GPR158: variants seen among roughly 807,000 people sequenced by gnomAD.
GPR158 encodes the protein metabotropic glycine receptor.
GPR158 carries 30 observed loss-of-function variants against 78.2 expected under a neutral mutation model. That is an observed-to-expected ratio of 0.38 (90% CI 0.29 to 0.52). The LOEUF (loss-of-function observed/expected upper bound fraction) is 0.52, where lower values mean the gene tolerates loss of function less well. Among genes scored for constraint, GPR158 ranks in the 20% least tolerant of loss-of-function variants. The pLI, the probability that GPR158 is intolerant of heterozygous loss-of-function variation, is 0.83. For missense variants in GPR158, 1,463 were observed against 1,523.5 expected, an observed-to-expected ratio of 0.96 and a Z score of 0.66; for synonymous variants, 581 against 591.1, an observed-to-expected ratio of 0.98 and a Z score of 0.25.
At chr10:25,433,547 T>TGTTGTGTGTGTGTTG (rs67750453) in intron 4 of GPR158, among the ~76,000 whole-genome samples, 16 of 96,460 alleles carry the variant, frequency 1.7e-4, no homozygotes, top group South Asian at 3.2e-4. Context: ...TGTGTGTGTG[T>TGTTGTGTGTGTGTTG]TGTGTGTGTG....
chr10:25,352,584 C>G (rs529626449), intron 2 of GPR158, among the ~76,000 whole-genome samples: 1 of 151,964 alleles, frequency 6.6e-6, no homozygotes, highest in African/African-American at 2.4e-5. Flanking sequence ...GCCTTTTTAA[C>G]CATCAGAGTC....
At chr10:25,204,239 C>G (rs1241224749) in intron 1 of GPR158, among the ~76,000 whole-genome samples, 1 of 152,150 alleles carries the variant, frequency 6.6e-6, no homozygotes, top group East Asian at 1.9e-4. Flanking sequence ...ATTGAATACC[C>G]TTTATTTCTT....
intron 2 of GPR158, among the ~76,000 whole-genome samples, chr10:25,365,939 C>G (rs1337061852): frequency 6.6e-6 from 1 of 151,600 alleles, no homozygotes; most frequent in Non-Finnish European, 1.5e-5. Flanking sequence ...CTGTATATTA[C>G]AGTTTTCTTT....
At chr10:25,432,455 C>T (rs1834924780) in intron 4 of GPR158, among the ~76,000 whole-genome samples, 1 of 152,032 alleles carries the variant, frequency 6.6e-6, no homozygotes, top group South Asian at 2.1e-4. Context: ...TATATGTGCA[C>T]AAAGATTTAC....
chr10:25,511,405 T>C (rs1344409492), intron 5 of GPR158, among the ~76,000 whole-genome samples: 1 of 152,188 alleles, frequency 6.6e-6, no homozygotes, highest in Non-Finnish European at 1.5e-5. Context: ...TGTTTTACTC[T>C]TGCTGATTTG....
rs569815744 is a variant in GPR158, at chr10:25,581,976, A to C, written c.1754-7031A>C. On this transcript the variant is annotated intron_variant, in intron 7 of 10. Transcript: ENST00000376351. ...GGTGGAAGGTGAAAGGCACGTCTTA[A>C]ATGGCGGCAGGCAACGAGAGAATGA... 5.3e-5 allele frequency among the ~76,000 whole-genome samples: 8 copies of C among 152,302 alleles called. No homozygotes were observed. The South Asian group carries it at 1.0e-3, about 20-fold the overall frequency.
Position 25,601,252 on chromosome 10 carries a change from A to G in GPR158, c.*1978A>G, listed in dbSNP as rs1837493874. ...ACAAAGCTGTGCGCAAATCTTCCTC[A>G]CCCATTTGCTGACTTTATGCATTAC... On this transcript the variant is annotated 3_prime_UTR_variant, in exon 11 of 11. Transcript: ENST00000376351. The G allele has an allele frequency of 6.6e-6, 1 of 152,612 alleles. No homozygotes were observed. Among genetic ancestry groups the G allele is most frequent in the African/African-American group, 2.4e-5 (1 of 41,440 alleles). 9.5% of individuals were successfully genotyped at this position (152,612 alleles called of 1,614,324 possible).
At chr10:25,503,555 C>T (rs1473202448) in intron 5 of GPR158, among the ~76,000 whole-genome samples, 1 of 152,130 alleles carries the variant, frequency 6.6e-6, no homozygotes, top group Non-Finnish European at 1.5e-5. Flanking sequence ...AAGCAGAATT[C>T]AAAATCTCTA....
chr10:25,268,163 T>C (rs563833046), intron 2 of GPR158, among the ~76,000 whole-genome samples: 95 of 152,282 alleles, frequency 6.2e-4, no homozygotes, highest in African/African-American at 2.2e-3. Context: ...ACTCTCTATA[T>C]AAAATCAAAT....
chr10:25,549,462 CT>C lies in GPR158; in HGVS notation c.1405-1504del, dbSNP rs34318456. Among the ~76,000 whole-genome samples, 922 of 150,052 alleles carry C rather than the reference CT, an allele frequency of 6.1e-3. 4 individuals carry two copies. The highest frequency in any genetic ancestry group is 0.011 in the Middle Eastern group (3 of 284). On this transcript the variant is annotated intron_variant, in intron 5 of 10. Coordinates refer to ENST00000376351, the MANE Select transcript of GPR158 (RefSeq NM_020752.3). Reference sequence around the variant, plus strand: ...TGAAAACAGTAAAAACAGGTTTTTACTTTTTTTTTTCCTGAATCTAGACATT... The same window carrying C: ...TGAAAACAGTAAAAACAGGTTTTTACTTTTTTTTTCCTGAATCTAGACATT...
chr10:25,445,499 G>C (rs1835128343), intron 4 of GPR158, among the ~76,000 whole-genome samples: 1 of 152,130 alleles, frequency 6.6e-6, no homozygotes, highest in Non-Finnish European at 1.5e-5. Context: ...GATTTACAAA[G>C]AAAATGACAT....
chr10:25,344,148 T>C (rs570830815), intron 2 of GPR158, among the ~76,000 whole-genome samples: 37 of 152,134 alleles, frequency 2.4e-4, no homozygotes, highest in Non-Finnish European at 4.7e-4. Context: ...TTGTACAGCA[T>C]TAAATTCAAA....
At chr10:25,432,959 A>T (rs563893240) in intron 4 of GPR158, among the ~76,000 whole-genome samples, 1 of 152,208 alleles carries the variant, frequency 6.6e-6, no homozygotes, top group African/African-American at 2.4e-5. Context: ...ATCACAATGA[A>T]ACAGTATAAT....
chr10:25,254,963 CCTT>C (rs1445104054), intron 2 of GPR158, among the ~76,000 whole-genome samples: 1 of 152,108 alleles, frequency 6.6e-6, no homozygotes, highest in African/African-American at 2.4e-5. Context: ...TTCGAGTAGT[CCTT>C]CTGGGTCTAT....
chr10:25,190,301 T>A (rs1225300755), intron 1 of GPR158, among the ~76,000 whole-genome samples: 1 of 152,092 alleles, frequency 6.6e-6, no homozygotes, highest in African/African-American at 2.4e-5. Context: ...CTAGAAGAAA[T>A]GATTGAAATG....
At chr10:25,461,651 A>G (rs115307875) in intron 4 of GPR158, among the ~76,000 whole-genome samples, 10,306 of 152,208 alleles carry the variant, frequency 0.068, 1,033 homozygotes, top group African/African-American at 0.22. Context: ...AAGATCATCA[A>G]TGAAGGTAGC....
chr10:25,309,910 C>CGGGT (rs759746701), intron 2 of GPR158, among the ~76,000 whole-genome samples: 79 of 152,176 alleles, frequency 5.2e-4, no homozygotes, highest in Non-Finnish European at 1.0e-3. Context: ...ATAAATTACC[C>CGGGT]CATCTTGAGT....
intron 7 of GPR158, among the ~76,000 whole-genome samples, chr10:25,577,248 C>T (rs954695080): frequency 2.0e-5 from 3 of 152,138 alleles, no homozygotes; most frequent in Non-Finnish European, 4.4e-5. Context: ...AATAAATCCA[C>T]ATATCTTCAG....
At chr10:25,543,188 T>C (rs916360293) in intron 5 of GPR158, among the ~76,000 whole-genome samples, 2 of 152,164 alleles carry the variant, frequency 1.3e-5, no homozygotes, top group African/African-American at 4.8e-5. Context: ...TGGCGCAATC[T>C]CTGCTCACTG....
Sources: allele counts gnomAD v4.1 joint callset (sites outside exome capture counted in the v4.1 genomes callset), GRCh38; gene constraint gnomAD v4.1.1; transcripts MANE v1.5; gene names NCBI Gene and HGNC (gene_info 2026-07-23, HGNC 2026-07-21).